TRAK2: variants seen among roughly 807,000 people sequenced by gnomAD.
TRAK2 encodes the protein trafficking kinesin-binding protein 2.
Under a neutral mutation model 104.6 loss-of-function variants are expected in TRAK2, and 81 were observed. The observed-to-expected ratio is 0.77, with a 90% CI of 0.65 to 0.93. The LOEUF is 0.93. Among genes scored for constraint, TRAK2 ranks in the 40% least tolerant of loss-of-function variants. The pLI is 0.00. For synonymous variants in TRAK2, 406 were observed against 394.4 expected (o/e 1.03, Z -0.35); for missense variants, 1,002 against 1,089.0 (o/e 0.92, Z 1.12).
chr2:201,410,442 C>T, intron 2 of TRAK2: 1 of 605,354 alleles, frequency 1.7e-6, no homozygotes, highest in Non-Finnish European at 2.9e-6. Flanking sequence ...GTCACAGAAC[C>T]ATTCACTGTC....
At chr2:201,416,934 T>C (rs1408334384) in intron 2 of TRAK2, among the ~76,000 whole-genome samples, 3 of 151,692 alleles carry the variant, frequency 2.0e-5, no homozygotes, top group Non-Finnish European at 1.5e-5. Context: ...TACAGTAGAC[T>C]CAACTAAAGT....
intron 1 of TRAK2, among the ~76,000 whole-genome samples, chr2:201,432,862 A>ATT (rs1437542789): frequency 1.3e-5 from 2 of 152,232 alleles, no homozygotes; most frequent in Admixed American, 1.3e-4. Flanking sequence ...CAAAATTTTT[A>ATT]TTTTATAAGC....
At chr2:201,432,053 T>C (rs1951846504) in intron 1 of TRAK2, among the ~76,000 whole-genome samples, 1 of 152,230 alleles carries the variant, frequency 6.6e-6, no homozygotes, top group African/African-American at 2.4e-5. Flanking sequence ...AGTATTTCTA[T>C]CACCAAAGTA....
At chr2:201,401,541 A>G (rs1951550840) in intron 3 of TRAK2, among the ~76,000 whole-genome samples, 1 of 152,076 alleles carries the variant, frequency 6.6e-6, no homozygotes, top group African/African-American at 2.4e-5. Context: ...TATCATAACC[A>G]TCTATGATCA....
rs147995594 is a variant in TRAK2, at chr2:201,407,463, G to C, written c.226C>G (p.Arg76Gly). 2.2e-5 allele frequency: 36 copies of C among 1,613,934 alleles called. No homozygotes were observed. The African/African-American group carries it at 4.7e-4, about 21-fold the overall frequency. Reference sequence around the variant, plus strand: ...GAGAGAGCATCAGATGCATGCTGCCGCTGGTGTGGAGACTGAGTCCAGTCT... The same window carrying C: ...GAGAGAGCATCAGATGCATGCTGCCCCTGGTGTGGAGACTGAGTCCAGTCT... ...NQDWTQSPHQ[R>G]QHASDALSPV... The change falls in exon 3 of 16, where the codon CGG (arginine) becomes GGG (glycine). Residue 76 changes from arginine to glycine, a missense_variant. Arg to Gly is a moderately radical substitution (Grantham distance 125, BLOSUM62 -2). Transcript: ENST00000332624.
In TRAK2 at chr2:201,389,291, G is replaced by A; in HGVS notation, c.1397+9C>T. ...AAATGCAGAATCACTGTTATCATCG[G>A]ATTCCTACCCTGCAACCTCCTCTGA... On this transcript the variant is annotated intron_variant, in intron 12 of 15. Coordinates refer to ENST00000332624, the MANE Select transcript of TRAK2 (RefSeq NM_015049.3). 1 of 1,613,400 alleles carries A rather than the reference G, an allele frequency of 6.2e-7. No individual in the cohort carries two copies. The highest frequency in any genetic ancestry group is 8.5e-7 in the Non-Finnish European group (1 of 1,179,370).
chr2:201,420,494 T>C lies in TRAK2; in HGVS notation c.14A>G (p.Gln5Arg). MSQS[Q>R]NAIFTSPTGE... ...TGTTGGTGATGTAAAAATTGCATTC[T>C]GGGATTGACTCATGCAGGATCCTTT... The change falls in exon 2 of 16, where the codon CAG becomes CGG. Residue 5 changes from glutamine to arginine, a missense_variant. Transcript: ENST00000332624. 1 of 1,614,040 alleles carries C rather than the reference T, an allele frequency of 6.2e-7. No individual in the cohort carries two copies. The highest frequency in any genetic ancestry group is 8.5e-7 in the Non-Finnish European group (1 of 1,179,904).
chr2:201,395,459 A>G lies in TRAK2; in HGVS notation c.770-15T>C. The G allele has an allele frequency of 6.7e-7, 1 of 1,499,952 alleles. No homozygotes were observed. The highest frequency in any genetic ancestry group is 9.0e-7 in the Non-Finnish European group (1 of 1,113,166). The allele number at this position is 1,499,952 out of a possible 1,614,324, so 92.9% of individuals were successfully genotyped here. A position where few individuals can be genotyped will look rare whatever the true frequency, so the allele number is the denominator to read the frequency against. ...ATTTGTTTCACCTTGGAAGCAAAAA[A>G]AATTTTTTTAAATTAATACAAATGT... On this transcript the variant is annotated splice_polypyrimidine_tract_variant and intron_variant, in intron 7 of 15. Coordinates refer to ENST00000332624, the MANE Select transcript of TRAK2 (RefSeq NM_015049.3).
chr2:201,449,647 G>C lies in TRAK2; in HGVS notation c.-200+1703C>G, dbSNP rs573623314. Among the ~76,000 whole-genome samples the C allele has an allele frequency of 2.7e-5, 4 of 150,642 alleles. No individual in the cohort carries two copies. The South Asian group carries it at 8.4e-4, about 32-fold the overall frequency. On this transcript the variant is annotated intron_variant, in intron 1 of 15. Coordinates refer to ENST00000332624, the MANE Select transcript of TRAK2 (RefSeq NM_015049.3). ...CTGCAGGCATGTGCCACCATGCCTG[G>C]CTAATTTTTTTTTTTTTTTGAGATG... is the stretch of plus-strand genomic sequence containing the variant.
rs756661916 is a variant in TRAK2 at position 201,392,971 on chromosome 2, G to A, written c.1051C>T (p.Arg351Cys). The A allele has an allele frequency of 3.5e-5, 56 of 1,613,538 alleles. No homozygotes were observed. The highest frequency in any genetic ancestry group is 4.1e-5 in the Non-Finnish European group (48 of 1,179,802). The change falls in exon 10 of 16, where the codon CGT (arginine) becomes TGT (cysteine). Residue 351 changes from arginine (R) to cysteine (C), a missense_variant. Physicochemically the swap from Arg to Cys is radical, Grantham distance 180. Transcript: ENST00000332624. ...TGAGCAGTAGGGCCAGATCTACTAC[G>A]AAGTTCCTTTATTTCTTCTTGGGAT... is the stretch of plus-strand genomic sequence containing the variant. ...HESQEEIKEL[R>C]SRSGPTAHLY...
rs1951322981 is a variant in TRAK2, at chr2:201,379,891, A to C, written c.*652T>G. 1 of 151,086 alleles carries C rather than the reference A, an allele frequency of 6.6e-6. No individual in the cohort carries two copies. Among genetic ancestry groups the C allele is most frequent in the Non-Finnish European group, 1.5e-5 (1 of 67,804 alleles). The allele number at this position is 151,086 out of a possible 1,614,324, so 9.4% of individuals were successfully genotyped here. A position where few individuals can be genotyped will look rare whatever the true frequency, so the allele number is the denominator to read the frequency against. ...ATTAATCATAAATACAAAATAATTG[A>C]GTGGTATTTGGGCTCCCAGGGGCTC... On this transcript the variant is annotated 3_prime_UTR_variant, in exon 16 of 16. Transcript: ENST00000332624.
intron 1 of TRAK2, among the ~76,000 whole-genome samples, chr2:201,432,386 C>A (rs572763495): frequency 6.6e-6 from 1 of 152,164 alleles, no homozygotes; most frequent in African/African-American, 2.4e-5. Context: ...ACTTTCTTTG[C>A]CGGATCTTTA....
In TRAK2 at chr2:201,377,238, G is replaced by A. The variant is rs377562297; in HGVS notation, c.*3305C>T. 1.3e-5 allele frequency: 2 copies of A among 152,312 alleles called. No individual in the cohort carries two copies. The highest frequency in any genetic ancestry group is 4.8e-5 in the African/African-American group (2 of 41,564). 9.4% of individuals were successfully genotyped at this position (152,312 alleles called of 1,614,324 possible). Reference sequence around the variant, plus strand: ...TTCAAGCTACTCATGTTTATTAACTGATCTACATTTGACAAAACAAAGATA... The same window carrying A: ...TTCAAGCTACTCATGTTTATTAACTAATCTACATTTGACAAAACAAAGATA... On this transcript the variant is annotated 3_prime_UTR_variant, in exon 16 of 16. Coordinates refer to ENST00000332624, the MANE Select transcript of TRAK2 (RefSeq NM_015049.3).
At chr2:201,403,579 G>A (rs1951567342) in intron 3 of TRAK2, among the ~76,000 whole-genome samples, 1 of 152,034 alleles carries the variant, frequency 6.6e-6, no homozygotes, top group Admixed American at 6.5e-5. Context: ...TCCCAATTTT[G>A]CTTTTTAAAG....
chr2:201,392,931 T>A lies in TRAK2; in HGVS notation c.1091A>T (p.Gln364Leu). ...SGPTAHLYFS[Q>L]SYGAFTGESL... ...TACCCCAGTAAAAGCTCCATATGAT[T>A]GGGAGAAGTAGAGATGAGCAGTAGG... is the stretch of plus-strand genomic sequence containing the variant. Residue 364 changes from glutamine (Q) to leucine (L), a missense_variant, in exon 10 of 16, where the codon CAA (glutamine) becomes CTA (leucine). Physicochemically the swap from Gln to Leu is moderately radical, Grantham distance 113. Transcript: ENST00000332624. The A allele has an allele frequency of 6.2e-7, 1 of 1,612,434 alleles. No individual in the cohort carries two copies.
intron 6 of TRAK2, 125 bp downstream of exon 6, chr2:201,398,020 C>T: frequency 1.1e-6 from 1 of 899,740 alleles, no homozygotes; most frequent in Non-Finnish European, 1.7e-6. Flanking sequence ...GCTCCTTGTC[C>T]ACGACTCTCT....
chr2:201,439,813 T>C (rs962508943), intron 1 of TRAK2, among the ~76,000 whole-genome samples: 3 of 149,566 alleles, frequency 2.0e-5, no homozygotes, highest in Admixed American at 1.3e-4. Context: ...AAATCATCAT[T>C]CTCAGTAAAC....
rs777513760 is a variant in TRAK2 at position 201,398,249 on chromosome 2, G to A, written c.586C>T (p.Arg196Trp). The A allele has an allele frequency of 1.4e-5, 23 of 1,613,632 alleles. No homozygotes were observed. Among genetic ancestry groups the A allele is most frequent in the East Asian group, 2.2e-5 (1 of 44,884 alleles). The change falls in exon 6 of 16, where the codon CGG becomes TGG. Residue 196 changes from arginine to tryptophan, a missense_variant. Coordinates refer to ENST00000332624, the MANE Select transcript of TRAK2 (RefSeq NM_015049.3). ...ETDSSCSTPL[R>W]FNESFSLSQG... The stretch of plus-strand genomic sequence containing the variant: ...GATAAGCTAAAGGACTCATTGAACC[G>A]AAGAGGTGTAGAACAGCTGGAATCA...
intron 1 of TRAK2, among the ~76,000 whole-genome samples, chr2:201,442,835 T>C (rs751302287): frequency 2.6e-5 from 4 of 152,220 alleles, no homozygotes; most frequent in Non-Finnish European, 4.4e-5. Context: ...TGTAAATTAG[T>C]ATTCCTCTTA....
Sources: gnomAD v4.1 joint callset for allele counts (sites outside exome capture counted in the v4.1 genomes callset) on GRCh38, gnomAD v4.1.1 for gene constraint, MANE v1.5 for transcripts, NCBI Gene and HGNC (gene_info 2026-07-23, HGNC 2026-07-21) for gene names.